The following SLC25A42 variants were observed in gnomAD, a reference collection of about 807,000 sequenced individuals.
SLC25A42 encodes the protein mitochondrial coenzyme A transporter SLC25A42.
Under a neutral mutation model 34.7 loss-of-function variants are expected in SLC25A42, and 19 were observed. The ratio of observed to expected loss-of-function variants is 0.55; its 90% CI spans 0.38 to 0.80. The LOEUF is 0.80. Ranked by LOEUF, SLC25A42 falls within the 30% of genes least tolerant of loss-of-function variation. The pLI is 0.00. For synonymous variants in SLC25A42, 205 were observed against 191.2 expected, an observed-to-expected ratio of 1.07 and a Z score of -0.59; for missense variants, 364 against 441.3, an observed-to-expected ratio of 0.82 and a Z score of 1.57.
rs5827429 is a variant in SLC25A42 at position 19,097,964 on chromosome 19, G to GAA, written c.81+1772_81+1773dup. 2.7e-3 allele frequency among the ~76,000 whole-genome samples: 398 copies of GAA among 144,944 alleles called. 3 individuals are homozygous for GAA. Among genetic ancestry groups the GAA allele is most frequent in the East Asian group, 8.0e-3 (39 of 4,902 alleles). On this transcript the variant is annotated intron_variant, in intron 2 of 7. Transcript: ENST00000318596. Reference sequence around the variant, plus strand: ...GGCGACAGAGTGAGACCCTGTCTCAGAAAAAAAAAAAAAATACTGAGCTTC... The same window carrying GAA: ...GGCGACAGAGTGAGACCCTGTCTCAGAAAAAAAAAAAAAAAATACTGAGCTTC...
chr19:19,098,717 C>T (rs1048268255), intron 2 of SLC25A42, among the ~76,000 whole-genome samples: 3 of 152,164 alleles, frequency 2.0e-5, no homozygotes, highest in African/African-American at 4.8e-5. Flanking sequence ...CTCAGGGGTT[C>T]GAGACCAGCC....
At chr19:19,094,199 T>C (rs2059752888) in intron 1 of SLC25A42, among the ~76,000 whole-genome samples, 1 of 152,218 alleles carries the variant, frequency 6.6e-6, no homozygotes, top group Non-Finnish European at 1.5e-5. Context: ...CAGCCACACC[T>C]GAGGGCAGGA....
chr19:19,108,853 G>A (rs1488279270), intron 7 of SLC25A42, among the ~76,000 whole-genome samples: 1 of 151,970 alleles, frequency 6.6e-6, no homozygotes, highest in African/African-American at 2.4e-5. Context: ...CAAACTCCTG[G>A]GCTCAAGCGA....
At chr19:19,098,341 A>G (rs571534579) in intron 2 of SLC25A42, among the ~76,000 whole-genome samples, 1 of 152,198 alleles carries the variant, frequency 6.6e-6, no homozygotes, top group Non-Finnish European at 1.5e-5. Context: ...CTCACACCAG[A>G]GATCCCAGCA....
chr19:19,097,218 A>T (rs1254093311), intron 2 of SLC25A42, among the ~76,000 whole-genome samples: 1 of 152,156 alleles, frequency 6.6e-6, no homozygotes, highest in Admixed American at 6.5e-5. Context: ...GGCAGTTTTC[A>T]AAGTCCATGG....
At chr19:19,083,967 G>C (rs1226344927) in intron 1 of SLC25A42, among the ~76,000 whole-genome samples, 1 of 129,774 alleles carries the variant, frequency 7.7e-6, no homozygotes. Flanking sequence ...TGCCCCTGCA[G>C]GCACCTTCAG....
chr19:19,088,397 G>A (rs1276186704), intron 1 of SLC25A42, among the ~76,000 whole-genome samples: 2 of 151,462 alleles, frequency 1.3e-5, no homozygotes, highest in South Asian at 2.1e-4. Flanking sequence ...TAGTAGAGAC[G>A]GGGTTTCAAC....
intron 1 of SLC25A42, among the ~76,000 whole-genome samples, chr19:19,091,514 A>G (rs1242584301): frequency 6.6e-6 from 1 of 152,130 alleles, no homozygotes; most frequent in East Asian, 1.9e-4. Flanking sequence ...TCACTAATTA[A>G]AAATAAATTC....
At chr19:19,075,181 C>T (rs1232122984) in intron 1 of SLC25A42, among the ~76,000 whole-genome samples, 1 of 152,024 alleles carries the variant, frequency 6.6e-6, no homozygotes, top group Non-Finnish European at 1.5e-5. Flanking sequence ...TTGTCCTGCC[C>T]TCTCCCAAGC....
chr19:19,093,595 T>C (rs1332627275), intron 1 of SLC25A42, among the ~76,000 whole-genome samples: 2 of 152,188 alleles, frequency 1.3e-5, no homozygotes, highest in East Asian at 1.9e-4. Flanking sequence ...TTTCTCAGGC[T>C]CTTTGTTTTT....
At chr19:19,068,916 C>T (rs2145895696) in intron 1 of SLC25A42, among the ~76,000 whole-genome samples, 1 of 150,988 alleles carries the variant, frequency 6.6e-6, no homozygotes, top group Admixed American at 6.6e-5. Flanking sequence ...GTCCTAGCTA[C>T]TCAGGAGGCT....
intron 4 of SLC25A42, 49 bp downstream of exon 4, chr19:19,104,987 T>A (rs1385909736): frequency 1.2e-6 from 2 of 1,610,408 alleles, no homozygotes; most frequent in African/African-American, 2.7e-5. Flanking sequence ...ACCACTACCC[T>A]GATGGGCTGG....
intron 1 of SLC25A42, among the ~76,000 whole-genome samples, chr19:19,086,992 G>C (rs2059711535): frequency 6.6e-6 from 1 of 152,010 alleles, no homozygotes; most frequent in Admixed American, 6.6e-5. Context: ...GCTGGGTGGG[G>C]AGGGTGAGGT....
intron 1 of SLC25A42, among the ~76,000 whole-genome samples, chr19:19,075,927 T>C (rs2059653695): frequency 6.6e-6 from 1 of 152,178 alleles, no homozygotes; most frequent in Non-Finnish European, 1.5e-5. Flanking sequence ...GTCCCAGATC[T>C]TGGTCTTTGG....
chr19:19,067,625 T>C (rs1383646384), intron 1 of SLC25A42, among the ~76,000 whole-genome samples: 1 of 152,102 alleles, frequency 6.6e-6, no homozygotes, highest in Non-Finnish European at 1.5e-5. Flanking sequence ...TCTGTGAAGC[T>C]TGTCCCTATA....
chr19:19,096,254 T>TGGGGCCCCCCCCCC, intron 2 of SLC25A42, 49 bp downstream of exon 2: 6 of 1,456,650 alleles, frequency 4.1e-6, no homozygotes, highest in Non-Finnish European at 5.7e-6. Flanking sequence ...GGCCCCAGCC[T>TGGGGCCCCCCCCCC]CCCCACCCCC....
intron 3 of SLC25A42, among the ~76,000 whole-genome samples, chr19:19,104,611 A>C (rs1408480783): frequency 6.6e-6 from 1 of 152,210 alleles, no homozygotes; most frequent in East Asian, 1.9e-4. Flanking sequence ...TGAGAGAGCC[A>C]GGGCTTCTCA....
In SLC25A42 at chr19:19,109,589, C is replaced by T. The variant is rs2059851879; in HGVS notation, c.650-980C>T. Among the ~76,000 whole-genome samples the T allele has an allele frequency of 6.6e-6, 1 of 152,174 alleles. No homozygotes were observed. The highest frequency in any genetic ancestry group is 1.5e-5 in the Non-Finnish European group (1 of 68,036). ...GGGATTACAGGCGCCCACCACCACA[C>T]CTGGCTAATTTTTGTGTGTTTTTGG... On this transcript the variant is annotated intron_variant, in intron 7 of 7. Coordinates refer to ENST00000318596, the MANE Select transcript of SLC25A42 (RefSeq NM_178526.5). This position sits in a 1 kb window ranked among gnomAD's most constrained non-coding sequence, Gnocchi z 4.1.
At position 19,092,803 on chromosome 19, in the gene SLC25A42, C is replaced by T. The variant is rs114471748; in HGVS notation, c.-34-3288C>T. On this transcript the variant is annotated intron_variant, in intron 1 of 7. Coordinates refer to ENST00000318596, the MANE Select transcript of SLC25A42 (RefSeq NM_178526.5). Reference sequence around the variant, plus strand: ...TAGGAATCAAGGAGTAGAGAGGCTGCGCCGTTCTCACCCAAGCGCCCAAGT... The same window carrying T: ...TAGGAATCAAGGAGTAGAGAGGCTGTGCCGTTCTCACCCAAGCGCCCAAGT... Among the ~76,000 whole-genome samples, 542 of 152,294 alleles carry T rather than the reference C, an allele frequency of 3.6e-3. 7 individuals carry two copies. The highest frequency in any genetic ancestry group is 0.012 in the African/African-American group (496 of 41,550).
Sources: gnomAD v4.1 joint callset for allele counts (sites outside exome capture counted in the v4.1 genomes callset) on GRCh38, gnomAD v4.1.1 for gene constraint, Gnocchi (gnomAD v3.1) non-coding constraint, MANE v1.5 for transcripts, NCBI Gene and HGNC (gene_info 2026-07-23, HGNC 2026-07-21) for gene names.